Variants in ZNF407 observed in about 807,000 individuals in gnomAD.
The protein encoded by ZNF407 is zinc finger protein 407.
A neutral mutation model predicts 131.2 loss-of-function variants in ZNF407; 17 were observed. The ratio of observed to expected loss-of-function variants is 0.13; its 90% confidence interval spans 0.09 to 0.19. ZNF407 has a LOEUF of 0.19. Among genes scored for constraint, ZNF407 ranks in the 10% least tolerant of loss-of-function variants. The probability of loss-of-function intolerance (pLI) is 1.00; values close to 1 mark genes in which losing one functional copy is unlikely to be tolerated. For synonymous variants in ZNF407, 1,156 were observed against 1,062.0 expected (o/e 1.09, Z -1.72); for missense variants, 2,681 against 2,830.6 (o/e 0.95, Z 1.20).
intron 3 of ZNF407, among the ~76,000 whole-genome samples, chr18:74,677,431 G>A (rs1986438675): frequency 6.6e-6 from 1 of 152,086 alleles, no homozygotes; most frequent in South Asian, 2.1e-4. Context: ...ATTTGTGATA[G>A]AATTCCTTCT....
chr18:74,901,234 TG>T, intron 7 of ZNF407, among the ~76,000 whole-genome samples: 1 of 152,224 alleles, frequency 6.6e-6, no homozygotes, highest in Non-Finnish European at 1.5e-5. Context: ...TTGATTCTGT[TG>T]GAATTGTTGC....
At chr18:74,653,433 T>C (rs1421508446) in intron 3 of ZNF407, among the ~76,000 whole-genome samples, 1 of 151,904 alleles carries the variant, frequency 6.6e-6, no homozygotes, top group Non-Finnish European at 1.5e-5. Flanking sequence ...TGGGCCTTTT[T>C]ATGTCTATGG....
At position 74,913,553 on chromosome 18, in the gene ZNF407, T is replaced by C. The variant is rs74470805; in HGVS notation, c.5250-6961T>C. On this transcript the variant is annotated intron_variant, in intron 7 of 8. Coordinates refer to ENST00000299687, the MANE Select transcript of ZNF407 (RefSeq NM_017757.3). ...TGGTGAGAAAAGAATATAAGACATA[T>C]CTGTAGCTTGAAAAAGTAGTGTTTA... 2.0e-4 allele frequency among the ~76,000 whole-genome samples: 30 copies of C among 152,130 alleles called. No individual in the cohort carries two copies. In the East Asian group the frequency reaches 4.6e-3, roughly 24 times the overall value.
At chr18:74,791,394 T>G (rs1237499651) in intron 4 of ZNF407, among the ~76,000 whole-genome samples, 1 of 152,220 alleles carries the variant, frequency 6.6e-6, no homozygotes, top group Admixed American at 6.5e-5. Flanking sequence ...CATTGAGATT[T>G]AATTTAATCC....
rs762079638 is a variant in ZNF407, at chr18:74,631,932, C to T, written c.913C>T (p.Pro305Ser). The T allele has an allele frequency of 2.5e-6, 4 of 1,613,768 alleles. No homozygotes were observed. Among genetic ancestry groups the T allele is most frequent in the Non-Finnish European group, 3.4e-6 (4 of 1,179,884 alleles). The part of the protein sequence containing the change: ...TMATKNVHSK[P>S]RTSKSIAKNS... ...GGCAACAAAAAATGTTCACTCAAAA[C>T]CAAGAACTTCTAAATCAATAGCAAA... is the stretch of plus-strand genomic sequence containing the variant. The change falls in exon 2 of 9, where the codon CCA becomes TCA. Residue 305 changes from proline to serine, a missense_variant. By Grantham distance (74) the Pro-to-Ser change is moderately conservative. Coordinates refer to ENST00000299687, the MANE Select transcript of ZNF407 (RefSeq NM_017757.3).
chr18:75,065,168 T>G lies in ZNF407; in HGVS notation c.*700T>G, dbSNP rs1222889921. The G allele has an allele frequency of 2.6e-5, 4 of 152,488 alleles. No homozygotes were observed. The highest frequency in any genetic ancestry group is 2.6e-4 in the Admixed American group (4 of 15,286). The allele number at this position is 152,488 out of a possible 1,614,324, so 9.4% of individuals were successfully genotyped here. A position where few individuals can be genotyped will look rare whatever the true frequency, so the allele number is the denominator to read the frequency against. The stretch of plus-strand genomic sequence containing the variant: ...TTAAGCCTATGGTTAAGAAAAGCCT[T>G]GAAGTTTATATTCAGTTAAAATATA... On this transcript the variant is annotated 3_prime_UTR_variant, in exon 9 of 9. Transcript: ENST00000299687.
chr18:74,764,013 A>G (rs1355162479), intron 3 of ZNF407, among the ~76,000 whole-genome samples: 1 of 151,434 alleles, frequency 6.6e-6, no homozygotes, highest in South Asian at 2.1e-4. Context: ...GCGCCCGGCC[A>G]TCTTTGATCT....
Position 75,048,730 on chromosome 18 carries a change from T to G in ZNF407, c.5429-14420T>G, listed in dbSNP as rs1225416405. On this transcript the variant is annotated intron_variant, in intron 8 of 8. Coordinates refer to ENST00000299687, the MANE Select transcript of ZNF407 (RefSeq NM_017757.3). This position sits in a 1 kb window ranked among gnomAD's most constrained non-coding sequence, Gnocchi z 4.1. ...CTATGTTTAAAATGTTTGTTTTGTT[T>G]TAGAATGACAAGATATGAGGGCCTG... is the stretch of plus-strand genomic sequence containing the variant. 6.6e-6 allele frequency among the ~76,000 whole-genome samples: 1 copy of G among 152,232 alleles called. No homozygotes were observed. The highest frequency in any genetic ancestry group is 1.9e-4 in the East Asian group (1 of 5,208).
chr18:74,734,141 C>T (rs970704932), intron 3 of ZNF407, among the ~76,000 whole-genome samples: 4 of 152,112 alleles, frequency 2.6e-5, no homozygotes, highest in African/African-American at 4.8e-5. Flanking sequence ...TTCGACGCTC[C>T]GTGAGGCAAC....
In ZNF407 at chr18:75,048,011, T is replaced by C. The variant is rs1424575329; in HGVS notation, c.5429-15139T>C. ...GCCTTTCTTTTCTTCGTTATAGTAATGAAGCCACTAATCAGACAGCCTTAT... is the reference window on the plus strand; with the variant it reads ...GCCTTTCTTTTCTTCGTTATAGTAACGAAGCCACTAATCAGACAGCCTTAT... On this transcript the variant is annotated intron_variant, in intron 8 of 8. Transcript: ENST00000299687. This position sits in a 1 kb window ranked among gnomAD's most constrained non-coding sequence, Gnocchi z 4.1. Among the ~76,000 whole-genome samples the C allele has an allele frequency of 3.3e-5, 5 of 152,244 alleles. No individual in the cohort carries two copies. The highest frequency in any genetic ancestry group is 5.9e-5 in the Non-Finnish European group (4 of 68,048).
At chr18:74,871,119 A>C (rs1568248981) in intron 4 of ZNF407, among the ~76,000 whole-genome samples, 1 of 152,186 alleles carries the variant, frequency 6.6e-6, no homozygotes, top group Non-Finnish European at 1.5e-5. Flanking sequence ...TTCTAAGCAC[A>C]CGGCGCTCCT....
intron 7 of ZNF407, among the ~76,000 whole-genome samples, chr18:74,906,898 A>G (rs1971603239): frequency 6.6e-6 from 1 of 152,160 alleles, no homozygotes; most frequent in Non-Finnish European, 1.5e-5. Flanking sequence ...GTATGTGTAT[A>G]CGTATATATT....
At chr18:74,847,621 A>G (rs750191619) in intron 4 of ZNF407, among the ~76,000 whole-genome samples, 2 of 152,130 alleles carry the variant, frequency 1.3e-5, no homozygotes, top group African/African-American at 2.4e-5. Flanking sequence ...ACCTCCTACT[A>G]TAGCCTTCTC....
intron 4 of ZNF407, among the ~76,000 whole-genome samples, chr18:74,834,883 T>A (rs1970534082): frequency 6.6e-6 from 1 of 152,206 alleles, no homozygotes; most frequent in South Asian, 2.1e-4. Flanking sequence ...TGGCTTTGAG[T>A]GATCTTTGGA....
intron 3 of ZNF407, among the ~76,000 whole-genome samples, chr18:74,675,745 C>T (rs1432337919): frequency 6.6e-6 from 1 of 152,094 alleles, no homozygotes; most frequent in Non-Finnish European, 1.5e-5. Flanking sequence ...CTTGACTTAT[C>T]CATGTTTAAT....
At position 74,632,766 on chromosome 18, in the gene ZNF407, CA is replaced by C; in HGVS notation, c.1750del (p.Thr584LeufsTer5). On this transcript the variant is annotated frameshift_variant, in exon 2 of 9. Coordinates refer to ENST00000299687, the MANE Select transcript of ZNF407 (RefSeq NM_017757.3). LOFTEE classifies it high-confidence loss of function. ...DEHLHSNQHQ[Q>X]TASVLSCQCC... ...ACATTTGCACAGTAACCAGCATCAG[CA>C]AACTGCTTCTGTCCTGAGTTGTCAG... 1 of 1,614,002 alleles carries C rather than the reference CA, an allele frequency of 6.2e-7. No individual in the cohort carries two copies. The highest frequency in any genetic ancestry group is 8.5e-7 in the Non-Finnish European group (1 of 1,179,882).
rs757526846 is a variant in ZNF407, at chr18:74,635,357, T to C, written c.4338T>C (p.Cys1446=). 2 of 1,613,998 alleles carry C rather than the reference T, an allele frequency of 1.2e-6. No individual in the cohort carries two copies. Among genetic ancestry groups the C allele is most frequent in the Non-Finnish European group, 1.7e-6 (2 of 1,179,872 alleles). Residue 1446 remains cysteine, a synonymous_variant, in exon 2 of 9, where the codon TGT becomes TGC. Transcript: ENST00000299687. The surrounding 1 kb of genome is among the most constrained non-coding windows in gnomAD (Gnocchi z 4.7). The part of the protein sequence containing the change: ...KHPTKEKHFH[C]LLCGKSFYTE... ...CTACAAAAGAGAAGCACTTCCATTG[T>C]TTACTCTGTGGAAAGTCGTTCTATA... is the stretch of plus-strand genomic sequence containing the variant.
At chr18:74,878,277 T>C (rs1449571729) in intron 5 of ZNF407, among the ~76,000 whole-genome samples, 1 of 152,232 alleles carries the variant, frequency 6.6e-6, no homozygotes, top group Non-Finnish European at 1.5e-5. Context: ...TCAGAATGTA[T>C]TTTGTTTCAG....
chr18:74,710,821 G>A (rs1006463676), intron 3 of ZNF407, among the ~76,000 whole-genome samples: 3 of 152,104 alleles, frequency 2.0e-5, no homozygotes, highest in Non-Finnish European at 2.9e-5. Context: ...TAATTGTTGC[G>A]TTTGGCTTTT....
Sources: allele counts gnomAD v4.1 joint callset (sites outside exome capture counted in the v4.1 genomes callset), GRCh38; gene constraint gnomAD v4.1.1; non-coding constraint Gnocchi (gnomAD v3.1); transcripts MANE v1.5; gene names NCBI Gene and HGNC (gene_info 2026-07-23, HGNC 2026-07-21).